Variants in PTPRN observed in about 807,000 individuals in gnomAD.
PTPRN encodes the protein protein tyrosine phosphatase receptor type N, also known as receptor-type tyrosine-protein phosphatase-like N.
Under a neutral mutation model 108.5 loss-of-function variants are expected in PTPRN, and 70 were observed. The ratio of observed to expected loss-of-function variants is 0.65; its 90% CI spans 0.53 to 0.79. The LOEUF is 0.79. Ranked by LOEUF, PTPRN falls within the 30% of genes least tolerant of loss-of-function variation. PTPRN has a pLI of 0.00. For missense variants in PTPRN, 1,136 were observed against 1,295.5 expected (o/e 0.88, Z 1.89); for synonymous variants, 496 against 524.6 (o/e 0.95, Z 0.75).
chr2:219,297,248 C>G lies in PTPRN; in HGVS notation c.2073G>C (p.Thr691=). 1.9e-6 allele frequency: 3 copies of G among 1,613,994 alleles called. No homozygotes were observed. The highest frequency in any genetic ancestry group is 2.5e-6 in the Non-Finnish European group (3 of 1,179,940). Residue 691 remains threonine (T), a synonymous_variant, in exon 14 of 23, where the codon ACG becomes ACC. Coordinates refer to ENST00000295718, the MANE Select transcript of PTPRN (RefSeq NM_002846.4). This position sits in a 1 kb window ranked among gnomAD's most constrained non-coding sequence, Gnocchi z 6.0. ...EPAQANMDIS[T]GHMILAYMED... ...CTGTCCTGACCAGAATCATGTGTCC[C>G]GTGGAGATGTCCATGTTGGCTTGGG...
At chr2:219,308,647 G>A (rs1952545238) in intron 1 of PTPRN, among the ~76,000 whole-genome samples, 2 of 151,934 alleles carry the variant, frequency 1.3e-5, no homozygotes, top group Non-Finnish European at 1.5e-5. Flanking sequence ...TGGGGAGGGG[G>A]ACAAGAGAGG....
intron 1 of PTPRN, chr2:219,308,414 T>G (rs1286960973): frequency 5.6e-6 from 1 of 178,542 alleles, no homozygotes; most frequent in African/African-American, 2.4e-5. Context: ...GAGCGAGGAC[T>G]CTCCACTAGA....
intron 8 of PTPRN, 26 bp from the exon 9 acceptor site, chr2:219,300,285 G>T: frequency 6.5e-7 from 1 of 1,530,330 alleles, no homozygotes; most frequent in Non-Finnish European, 8.8e-7. Context: ...TGGAGGTGTG[G>T]CCTCTGGACA....
In PTPRN at chr2:219,302,185, C is replaced by T. The variant is rs1167609059; in HGVS notation, c.946G>A (p.Gly316Arg). ...EDSPEGYEKE[G>R]LGDRGEKPAS... The stretch of plus-strand genomic sequence containing the variant: ...GGCTTCTCTCCACGATCCCCTAGTC[C>T]TTCCTTCTCATAGCCCTCTGGGGAG... The change falls in exon 6 of 23, where the codon GGA (glycine) becomes AGA (arginine). Residue 316 changes from glycine (G) to arginine (R), a missense_variant. Gly to Arg is a moderately radical substitution (Grantham distance 125, BLOSUM62 -2). Transcript: ENST00000295718. 1 of 1,608,716 alleles carries T rather than the reference C, an allele frequency of 6.2e-7. No individual in the cohort carries two copies. The highest frequency in any genetic ancestry group is 8.5e-7 in the Non-Finnish European group (1 of 1,175,818).
chr2:219,302,605 C>T lies in PTPRN; in HGVS notation c.610G>A (p.Ala204Thr), dbSNP rs1952382442. ...TGGAACAGGTAGGGCTGCAGCAAGG[C>T]AGGTTCGTAACTCAGTGAAGGGTGG... The part of the protein sequence containing the change: ...PPHPSLSYEP[A>T]LLQPYLFHQF... Residue 204 changes from alanine to threonine, a missense_variant, in exon 5 of 23, where the codon GCC becomes ACC. Transcript: ENST00000295718. The T allele has an allele frequency of 1.2e-6, 2 of 1,613,870 alleles. No homozygotes were observed. Among genetic ancestry groups the T allele is most frequent in the Admixed American group, 1.7e-5 (1 of 59,968 alleles).
chr2:219,307,579 C>A, intron 2 of PTPRN, 22 bp from the exon 3 acceptor site: 2 of 1,605,322 alleles, frequency 1.2e-6, no homozygotes, highest in Non-Finnish European at 1.7e-6. Context: ...AAAGTGGTGT[C>A]AGCAGGGGGC....
chr2:219,308,978 C>A, intron 1 of PTPRN: 1 of 1,508,728 alleles, frequency 6.6e-7, no homozygotes. Flanking sequence ...TCTCCCGAAC[C>A]TGCAATTTTC....
chr2:219,293,792 G>A (rs1003483728), intron 19 of PTPRN, among the ~76,000 whole-genome samples: 1 of 152,184 alleles, frequency 6.6e-6, no homozygotes, highest in African/African-American at 2.4e-5. Context: ...GAGACATCAG[G>A]CCAGCTTGGC....
At position 219,296,911 on chromosome 2, in the gene PTPRN, C is replaced by T. The variant is rs17847408; in HGVS notation, c.2236+74G>A. The T allele has an allele frequency of 4.4e-6, 7 of 1,608,248 alleles. No individual in the cohort carries two copies. The East Asian group carries it at 1.6e-4, about 36-fold the overall frequency. ...CACTCAGCCTGAGCCAGAAGCCCAA[C>T]CCCTTACCCCAAGCCCTCCAGACCT... On this transcript the variant is annotated intron_variant, in intron 15 of 22. Coordinates refer to ENST00000295718, the MANE Select transcript of PTPRN (RefSeq NM_002846.4). This position sits in a 1 kb window ranked among gnomAD's most constrained non-coding sequence, Gnocchi z 6.0.
chr2:219,309,146 C>T lies in PTPRN; in HGVS notation c.115+72G>A. 3.4e-6 allele frequency: 5 copies of T among 1,456,346 alleles called. No individual in the cohort carries two copies. The South Asian group carries it at 4.9e-5, about 14-fold the overall frequency. 90.2% of individuals were successfully genotyped at this position (1,456,346 alleles called of 1,614,324 possible). On this transcript the variant is annotated intron_variant, in intron 1 of 22. Transcript: ENST00000295718. Reference sequence around the variant, plus strand: ...CTTCATGACATTTCACCCTCACCCCCACCGAGTTTCGCTCCAGGCCCCAAG... The same window carrying T: ...CTTCATGACATTTCACCCTCACCCCTACCGAGTTTCGCTCCAGGCCCCAAG...
chr2:219,307,461 C>G lies in PTPRN; in HGVS notation c.263G>C (p.Arg88Pro), dbSNP rs199798041. Residue 88 changes from arginine (R) to proline (P), a missense_variant, in exon 3 of 23, where the codon CGA (arginine) becomes CCA (proline). Arg to Pro is a moderately radical substitution (Grantham distance 103). Coordinates refer to ENST00000295718, the MANE Select transcript of PTPRN (RefSeq NM_002846.4). ...PVLQRLQGVLRQLMSQGLSWH... is the reference protein window; with the variant it reads ...PVLQRLQGVLPQLMSQGLSWH... ...GACCTTACCTTGGGACATGAGTTGTCGGAGCACACCTTGTAAGCGTTGGAG... is the reference window on the plus strand; with the variant it reads ...GACCTTACCTTGGGACATGAGTTGTGGGAGCACACCTTGTAAGCGTTGGAG... 6 of 1,613,878 alleles carry G rather than the reference C, an allele frequency of 3.7e-6. No homozygotes were observed. Among genetic ancestry groups the G allele is most frequent in the African/African-American group, 2.7e-5 (2 of 74,922 alleles).
chr2:219,300,210 C>G lies in PTPRN; in HGVS notation c.1211G>C (p.Arg404Pro), dbSNP rs756452786. The change falls in exon 9 of 23, where the codon CGC becomes CCC. Residue 404 changes from arginine to proline, a missense_variant. Coordinates refer to ENST00000295718, the MANE Select transcript of PTPRN (RefSeq NM_002846.4). ...GGGGTGTCCAGGCATGGGGGATGTG[C>G]GGGCTGGAAGCTCTGCTGTGTCTCT... ...EGRDTAELPA[R>P]TSPMPGHPTA... is the part of the protein sequence containing the mutation. The G allele has an allele frequency of 8.1e-6, 13 of 1,602,974 alleles. No individual in the cohort carries two copies. The South Asian group carries it at 1.1e-4, about 14-fold the overall frequency.
chr2:219,301,313 A>G (rs556088307), intron 7 of PTPRN, among the ~76,000 whole-genome samples: 1 of 144,604 alleles, frequency 6.9e-6, no homozygotes, highest in South Asian at 2.2e-4. Flanking sequence ...TCACCAACCC[A>G]TCCTTCCCGA....
At position 219,294,621 on chromosome 2, in the gene PTPRN, T is replaced by C. The variant is rs145433981; in HGVS notation, c.2675+354A>G. 8.3e-3 allele frequency among the ~76,000 whole-genome samples: 1,183 copies of C among 142,048 alleles called. 19 individuals are homozygous for C. Among genetic ancestry groups the C allele is most frequent in the African/African-American group, 0.031 (1,121 of 36,236 alleles). The allele number at this position is 142,048 out of a possible 152,430, so 93.2% of individuals were successfully genotyped here. A position where few individuals can be genotyped will look rare whatever the true frequency, so the allele number is the denominator to read the frequency against. On this transcript the variant is annotated intron_variant, in intron 19 of 22. Coordinates refer to ENST00000295718, the MANE Select transcript of PTPRN (RefSeq NM_002846.4). ...TGGAGACAGCGGGGCAGGAGGGAACTGGAAGGAGAAAGGAAGCAGGGGTCC... is the reference window on the plus strand; with the variant it reads ...TGGAGACAGCGGGGCAGGAGGGAACCGGAAGGAGAAAGGAAGCAGGGGTCC...
Position 219,304,024 on chromosome 2 carries a change from G to A in PTPRN, c.281-193C>T, listed in dbSNP as rs186471951. ...ACAGCTATTGGAGCCAGACCACCTGGGTTTGAATCCTGCCTTTGCTACTGA... is the reference window on the plus strand; with the variant it reads ...ACAGCTATTGGAGCCAGACCACCTGAGTTTGAATCCTGCCTTTGCTACTGA... On this transcript the variant is annotated intron_variant, in intron 3 of 22. Transcript: ENST00000295718. The A allele has an allele frequency of 1.2e-4, 53 of 449,806 alleles. No individual in the cohort carries two copies. In the East Asian group the frequency reaches 2.1e-3, roughly 17 times the overall value. 27.9% of individuals were successfully genotyped at this position (449,806 alleles called of 1,614,324 possible). A position where few individuals can be genotyped will look rare whatever the true frequency, so the allele number is the denominator to read the frequency against.
chr2:219,295,415 C>A, intron 18 of PTPRN: 1 of 387,768 alleles, frequency 2.6e-6, no homozygotes, highest in Non-Finnish European at 4.6e-6. Context: ...ACCAGAGTAT[C>A]GGTGCTACAC....
intron 11 of PTPRN, 84 bp downstream of exon 11, chr2:219,299,221 G>C: frequency 6.3e-7 from 1 of 1,598,982 alleles, no homozygotes. Flanking sequence ...ACATTTCAAG[G>C]GGGCATCAGC....
chr2:219,308,533 G>T (rs917080420), intron 1 of PTPRN, among the ~76,000 whole-genome samples: 2 of 152,262 alleles, frequency 1.3e-5, no homozygotes, highest in African/African-American at 4.8e-5. Context: ...GCGAGGCTGC[G>T]CCCCTTCCCC....
chr2:219,302,476 C>T lies in PTPRN; in HGVS notation c.655G>A (p.Gly219Ser), dbSNP rs772750520. 1.2e-6 allele frequency: 2 copies of T among 1,613,878 alleles called. No individual in the cohort carries two copies. The highest frequency in any genetic ancestry group is 8.5e-7 in the Non-Finnish European group (1 of 1,179,894). Residue 219 changes from glycine to serine, a missense_variant, in exon 6 of 23, where the codon GGC becomes AGC. Transcript: ENST00000295718. ...YLFHQFGSRD[G>S]SRVSEGSPGM... ...GGGGAGCCCTCTGAGACCCTGGAGCCATCACGGGAGCCAAACTGTGGAAAA... is the reference window on the plus strand; with the variant it reads ...GGGGAGCCCTCTGAGACCCTGGAGCTATCACGGGAGCCAAACTGTGGAAAA...
Sources: gnomAD v4.1 joint callset for allele counts (sites outside exome capture counted in the v4.1 genomes callset) on GRCh38, gnomAD v4.1.1 for gene constraint, Gnocchi (gnomAD v3.1) non-coding constraint, MANE v1.5 for transcripts, NCBI Gene and HGNC (gene_info 2026-07-23, HGNC 2026-07-21) for gene names.